MASP1: variants seen among roughly 807,000 people sequenced by gnomAD.
MASP1 encodes the protein mannan-binding lectin serine protease 1.
Under a neutral mutation model 77.1 loss-of-function variants are expected in MASP1, and 59 were observed. The ratio of observed to expected loss-of-function variants is 0.77; its 90% confidence interval spans 0.62 to 0.95. MASP1 has a LOEUF of 0.95. Ranked by LOEUF, MASP1 falls within the 40% of genes least tolerant of loss-of-function variation. The pLI is 0.00. For synonymous variants in MASP1, 362 were observed against 354.5 expected (o/e 1.02, Z -0.24); for missense variants, 885 against 912.9 (o/e 0.97, Z 0.39).
intron 5 of MASP1, 91 bp downstream of exon 5, chr3:187,256,573 G>A: frequency 8.3e-7 from 1 of 1,200,652 alleles, no homozygotes; most frequent in South Asian, 1.3e-5. Flanking sequence ...TCTATCCTGG[G>A]AGAAGAAGGT....
chr3:187,227,237 T>C (rs1712490527), intron 11 of MASP1, among the ~76,000 whole-genome samples: 1 of 152,174 alleles, frequency 6.6e-6, no homozygotes, highest in Non-Finnish European at 1.5e-5. Flanking sequence ...TTTCATTATA[T>C]AGGCAGGAAC....
intron 2 of MASP1, among the ~76,000 whole-genome samples, chr3:187,266,465 T>C (rs1716027321): frequency 6.6e-6 from 1 of 151,996 alleles, no homozygotes; most frequent in African/African-American, 2.4e-5. Context: ...GTTTAAGGAA[T>C]GGAAAAGATT....
chr3:187,289,932 G>A (rs975789970), intron 1 of MASP1, among the ~76,000 whole-genome samples: 1 of 152,198 alleles, frequency 6.6e-6, no homozygotes, highest in South Asian at 2.1e-4. Flanking sequence ...TGCAAACACT[G>A]AAATACTGTA....
At chr3:187,291,173 G>A in intron 1 of MASP1, 3 of 205,050 alleles carry the variant, frequency 1.5e-5, no homozygotes, top group Middle Eastern at 9.7e-4. Context: ...AGAAACCACA[G>A]AGCCAAGCTA....
chr3:187,226,741 C>T (rs1292565691), intron 11 of MASP1, among the ~76,000 whole-genome samples: 1 of 152,164 alleles, frequency 6.6e-6, no homozygotes, highest in Non-Finnish European at 1.5e-5. Context: ...CTATTCCAAC[C>T]AAGGCCAGGA....
rs1379531874 is a variant in MASP1, at chr3:187,256,575, G to A, written c.744+89C>T. 6 of 1,222,058 alleles carry A rather than the reference G, an allele frequency of 4.9e-6. No homozygotes were observed. In the Admixed American group the frequency reaches 1.1e-4, roughly 22 times the overall value. The allele number at this position is 1,222,058 out of a possible 1,614,324, so 75.7% of individuals were successfully genotyped here. ...AGCTGCTAGGCTCTCTATCCTGGGA[G>A]AAGAAGGTGAAGGTTCCGCAATATC... is the stretch of plus-strand genomic sequence containing the variant. On this transcript the variant is annotated intron_variant, in intron 5 of 10. Transcript: ENST00000296280.
Position 187,235,516 on chromosome 3 carries a change from T to C in MASP1, c.*168A>G. 1 of 1,531,620 alleles carries C rather than the reference T, an allele frequency of 6.5e-7. No individual in the cohort carries two copies. Among genetic ancestry groups the C allele is most frequent in the Non-Finnish European group, 8.7e-7 (1 of 1,145,616 alleles). 94.9% of individuals were successfully genotyped at this position (1,531,620 alleles called of 1,614,324 possible). A position where few individuals can be genotyped will look rare whatever the true frequency, so the allele number is the denominator to read the frequency against. Reference sequence around the variant, plus strand: ...GGTCTCCTGCCTGGAGCCTTTTCCCTATACCACACTCTGCCTCTCAGGGTC... The same window carrying C: ...GGTCTCCTGCCTGGAGCCTTTTCCCCATACCACACTCTGCCTCTCAGGGTC... On this transcript the variant is annotated 3_prime_UTR_variant, in exon 11 of 11. Transcript: ENST00000296280.
At chr3:187,253,068 C>G (rs1714756851) in intron 6 of MASP1, 100 bp downstream of exon 6, 1 of 1,516,128 alleles carries the variant, frequency 6.6e-7, no homozygotes, top group Non-Finnish European at 9.1e-7. Context: ...CCCATCAGGT[C>G]TCCAGAGGAG....
At chr3:187,224,340 ATTTTTTTTTTTT>A (rs1181826969) in intron 13 of MASP1, among the ~76,000 whole-genome samples, 2 of 102,064 alleles carry the variant, frequency 2.0e-5, no homozygotes, top group African/African-American at 7.9e-5. Flanking sequence ...TGTGCTGAGT[ATTTTTTTTTTTT>A]TTTTTTTTTT....
chr3:187,248,659 GCCA>G (rs1281976857), intron 8 of MASP1, among the ~76,000 whole-genome samples: 1 of 152,054 alleles, frequency 6.6e-6, no homozygotes, highest in Admixed American at 6.5e-5. Flanking sequence ...GGTGGCTGTG[GCCA>G]CCACCACTTG....
chr3:187,290,770 T>TTGTG (rs55722614), intron 1 of MASP1, among the ~76,000 whole-genome samples: 10,452 of 149,832 alleles, frequency 0.07, 363 homozygotes, highest in South Asian at 0.1. Flanking sequence ...CTGCAGAGCA[T>TTGTG]TGTGTGTGTG....
chr3:187,227,561 AG>A (rs1290551564), intron 11 of MASP1, among the ~76,000 whole-genome samples: 1 of 152,168 alleles, frequency 6.6e-6, no homozygotes, highest in Non-Finnish European at 1.5e-5. Context: ...GTCAAAGTTC[AG>A]GGTCGAGGGC....
At chr3:187,266,960 A>G (rs759479110) in intron 2 of MASP1, among the ~76,000 whole-genome samples, 2 of 152,260 alleles carry the variant, frequency 1.3e-5, no homozygotes, top group Non-Finnish European at 2.9e-5. Flanking sequence ...CTGCATGTCC[A>G]TAAATTCATT....
At chr3:187,219,519 A>G in exon 16 of MASP1, 1 of 162,398 alleles carries the variant, frequency 6.2e-6, no homozygotes, top group Non-Finnish European at 1.4e-5. Flanking sequence ...GATGTTGGGC[A>G]AGTTGCACGG....
At position 187,260,947 on chromosome 3, in the gene MASP1, T is replaced by C. The variant is rs1489579162; in HGVS notation, c.416-75A>G. 3 of 1,527,670 alleles carry C rather than the reference T, an allele frequency of 2.0e-6. No homozygotes were observed. In the African/African-American group the frequency reaches 4.1e-5, roughly 21 times the overall value. The allele number at this position is 1,527,670 out of a possible 1,614,324, so 94.6% of individuals were successfully genotyped here. Reference sequence around the variant, plus strand: ...CTACAGCCAACATTTATAGAGCACTTGATATGGGCCACTCACTATGTTAGG... The same window carrying C: ...CTACAGCCAACATTTATAGAGCACTCGATATGGGCCACTCACTATGTTAGG... On this transcript the variant is annotated intron_variant, in intron 3 of 10. Transcript: ENST00000296280.
intron 14 of MASP1, among the ~76,000 whole-genome samples, chr3:187,222,680 GT>G (rs60117293): frequency 0.048 from 6,667 of 139,750 alleles, 171 homozygotes; most frequent in Middle Eastern, 0.066. Context: ...TTAGTTAAGT[GT>G]TTTTTTTTTT....
rs560799649 is a variant in MASP1, at chr3:187,243,137, G to A, written c.1228+347C>T. On this transcript the variant is annotated intron_variant, in intron 9 of 10. Coordinates refer to ENST00000296280, the MANE Select transcript of MASP1 (RefSeq NM_139125.4). ...CCACATGAAGGAGTTTAACTTGGGG[G>A]ATTCCAGGCTTCCTTTAGGGTCTCG... is the stretch of plus-strand genomic sequence containing the variant. 1.7e-5 allele frequency: 6 copies of A among 347,614 alleles called. No homozygotes were observed. The East Asian group carries it at 4.4e-4, about 26-fold the overall frequency. The allele number at this position is 347,614 out of a possible 1,614,324, so 21.5% of individuals were successfully genotyped here. A position where few individuals can be genotyped will look rare whatever the true frequency, so the allele number is the denominator to read the frequency against.
In MASP1 at chr3:187,251,724, A is replaced by G. The variant is rs147808864; in HGVS notation, c.921T>C (p.Pro307=). 1.6e-5 allele frequency: 26 copies of G among 1,614,044 alleles called. No individual in the cohort carries two copies. Among genetic ancestry groups the G allele is most frequent in the Non-Finnish European group, 1.9e-5 (22 of 1,180,004 alleles). ...AGNECPELQP[P]VHGKIEPSQA... ...GGGAGGGCTCGATTTTCCCATGGAC[A>G]GGAGGCTGTAGCTCTGGGCACTCAT... Residue 307 remains proline, a synonymous_variant, in exon 7 of 11, where the codon CCT becomes CCC. Transcript: ENST00000296280.
At chr3:187,273,162 T>C (rs1174059991) in intron 2 of MASP1, among the ~76,000 whole-genome samples, 2 of 152,152 alleles carry the variant, frequency 1.3e-5, no homozygotes, top group Non-Finnish European at 2.9e-5. Context: ...CTGGATACTA[T>C]TTCTCCATTT....
Sources: gnomAD v4.1 joint callset for allele counts (sites outside exome capture counted in the v4.1 genomes callset) on GRCh38, gnomAD v4.1.1 for gene constraint, MANE v1.5 for transcripts, NCBI Gene and HGNC (gene_info 2026-07-23, HGNC 2026-07-21) for gene names.